The following XIRP2 variants were observed in gnomAD, a reference collection of about 807,000 sequenced individuals.
The protein encoded by XIRP2 is xin actin-binding repeat-containing protein 2.
A neutral mutation model predicts 277.0 loss-of-function variants in XIRP2; 236 were observed. The ratio of observed to expected loss-of-function variants is 0.85; its 90% CI spans 0.77 to 0.95. The LOEUF (loss-of-function observed/expected upper bound fraction) is 0.95. Among genes scored for constraint, XIRP2 ranks in the 40% least tolerant of loss-of-function variants. The pLI is 0.00. For synonymous variants in XIRP2, 1,490 were observed against 1,416.5 expected (o/e 1.05, Z -1.17); for missense variants, 4,640 against 4,157.5 (o/e 1.12, Z -3.19).
rs1293386779 is a variant in XIRP2, at chr2:167,243,404, A to G, written c.2012A>G (p.Gln671Arg). The change falls in exon 9 of 11, where the codon CAA becomes CGA. Residue 671 changes from glutamine (Q) to arginine (R), a missense_variant. Gln to Arg is a conservative substitution (Grantham distance 43). Coordinates refer to ENST00000409195, the MANE Select transcript of XIRP2 (RefSeq NM_152381.6). ...TTGGACTCAATGAATAAAATGCATC[A>G]AAGTCAAGAAGAATCAGCGGTAACT... Reference protein sequence around the residue: ...RPLDSMNKMHQSQEESAVTIS... With the variant: ...RPLDSMNKMHRSQEESAVTIS... The G allele has an allele frequency of 1.2e-6, 2 of 1,613,964 alleles. No individual in the cohort carries two copies. The highest frequency in any genetic ancestry group is 8.5e-7 in the Non-Finnish European group (1 of 1,179,988).
At chr2:167,181,520 A>AT (rs1043547180) in intron 3 of XIRP2, among the ~76,000 whole-genome samples, 34 of 152,050 alleles carry the variant, frequency 2.2e-4, no homozygotes, top group African/African-American at 8.0e-4. Flanking sequence ...AATTAATGTT[A>AT]TTTTTTATTT....
At position 167,254,105 on chromosome 2, in the gene XIRP2, C is replaced by CCAATCCT; in HGVS notation, c.10629_10630insCAATCCT (p.Arg3544GlnfsTer3). ...GTTTATCCAATGGAGTGCCTAGTGG[C>CCAATCCT]AGACAAGCAGAATTTTCATAAGTCC... On this transcript the variant is annotated frameshift_variant, in exon 10 of 11. Coordinates refer to ENST00000409195, the MANE Select transcript of XIRP2 (RefSeq NM_152381.6). LOFTEE classifies it high-confidence loss of function. The CCAATCCT allele has an allele frequency of 1.2e-6, 2 of 1,610,804 alleles. No individual in the cohort carries two copies. Among genetic ancestry groups the CCAATCCT allele is most frequent in the South Asian group, 1.1e-5 (1 of 90,736 alleles).
chr2:167,063,913 TCA>T (rs1689234701), intron 2 of XIRP2, among the ~76,000 whole-genome samples: 3 of 151,682 alleles, frequency 2.0e-5, no homozygotes. Flanking sequence ...AGTAGAATAT[TCA>T]CACAGTCTAA....
chr2:167,123,161 C>A (rs1030473870), intron 2 of XIRP2, among the ~76,000 whole-genome samples: 4 of 152,124 alleles, frequency 2.6e-5, no homozygotes, highest in Non-Finnish European at 5.9e-5. Context: ...GGTCTGCACA[C>A]CTTGTACCAC....
intron 3 of XIRP2, among the ~76,000 whole-genome samples, chr2:167,169,539 C>T (rs1692623782): frequency 6.6e-6 from 1 of 152,144 alleles, no homozygotes; most frequent in Non-Finnish European, 1.5e-5. Context: ...GCCCTGTGAC[C>T]TCACTTTTCT....
intron 2 of XIRP2, among the ~76,000 whole-genome samples, chr2:166,909,856 T>A (rs1414689249): frequency 6.6e-6 from 1 of 152,246 alleles, no homozygotes; most frequent in East Asian, 1.9e-4. Flanking sequence ...CTTTTCTGCA[T>A]CTGTTCAGAT....
chr2:167,050,081 C>A (rs116277684), intron 2 of XIRP2, among the ~76,000 whole-genome samples: 2,499 of 152,146 alleles, frequency 0.016, 22 homozygotes, highest in Non-Finnish European at 0.025. Context: ...TTAACAGCAT[C>A]TGTCTTATCC....
chr2:166,917,118 T>C (rs1471171646), intron 2 of XIRP2, among the ~76,000 whole-genome samples: 2 of 152,188 alleles, frequency 1.3e-5, no homozygotes, highest in Non-Finnish European at 2.9e-5. Context: ...TAACACTCTA[T>C]GGTTTCTAAA....
At chr2:167,068,427 T>C (rs2105247662) in intron 2 of XIRP2, among the ~76,000 whole-genome samples, 1 of 152,322 alleles carries the variant, frequency 6.6e-6, no homozygotes, top group African/African-American at 2.4e-5. Flanking sequence ...TTCAGTCATG[T>C]AGCCCTTTCT....
At chr2:167,071,898 C>A (rs1031451502) in intron 2 of XIRP2, among the ~76,000 whole-genome samples, 3 of 152,026 alleles carry the variant, frequency 2.0e-5, no homozygotes, top group South Asian at 2.1e-4. Context: ...GAATCAAGAC[C>A]GTAGAGGGGA....
chr2:167,089,514 A>T (rs1690079150), intron 2 of XIRP2, among the ~76,000 whole-genome samples: 1 of 152,152 alleles, frequency 6.6e-6, no homozygotes, highest in South Asian at 2.1e-4. Flanking sequence ...GAATATCAAA[A>T]TGTTGTGCGC....
rs1046506048 is a variant in XIRP2, at chr2:167,258,664, G to A, written c.*847G>A. 1 of 1,611,256 alleles carries A rather than the reference G, an allele frequency of 6.2e-7. No homozygotes were observed. Among genetic ancestry groups the A allele is most frequent in the African/African-American group, 1.3e-5 (1 of 74,604 alleles). ...AAAATCATAAAGAAAATTTGAATAA[G>A]AATAATAATAACAATTATGTAGCAG... On this transcript the variant is annotated 3_prime_UTR_variant, in exon 11 of 11. Transcript: ENST00000409195.
intron 2 of XIRP2, among the ~76,000 whole-genome samples, chr2:167,117,898 T>C (rs1690939301): frequency 6.6e-6 from 1 of 152,236 alleles, no homozygotes; most frequent in African/African-American, 2.4e-5. Flanking sequence ...GACCTGGCAC[T>C]TTACTTTCCG....
intron 2 of XIRP2, among the ~76,000 whole-genome samples, chr2:166,975,582 A>G (rs1686688766): frequency 1.3e-5 from 2 of 152,202 alleles, no homozygotes; most frequent in South Asian, 4.1e-4. Context: ...CTGGAGTTAT[A>G]TGAATGTCCT....
At chr2:166,964,378 G>A (rs1435567984) in intron 2 of XIRP2, among the ~76,000 whole-genome samples, 1 of 151,828 alleles carries the variant, frequency 6.6e-6, no homozygotes, top group Admixed American at 6.6e-5. Context: ...TTTGTCATAA[G>A]ATTAGGGTCA....
At chr2:167,089,721 AG>A (rs1465624992) in intron 2 of XIRP2, among the ~76,000 whole-genome samples, 24 of 152,170 alleles carry the variant, frequency 1.6e-4, no homozygotes, top group African/African-American at 5.1e-4. Context: ...GACACAGAAC[AG>A]GGGTTAGCAA....
intron 2 of XIRP2, among the ~76,000 whole-genome samples, chr2:167,046,816 C>G (rs76224165): frequency 0.023 from 3,421 of 151,968 alleles, 100 homozygotes; most frequent in East Asian, 0.073. Context: ...AAAACTACCT[C>G]TTAGTGCTGA....
intron 3 of XIRP2, among the ~76,000 whole-genome samples, chr2:167,172,906 G>A (rs1233352273): frequency 6.6e-6 from 1 of 152,200 alleles, no homozygotes; most frequent in Non-Finnish European, 1.5e-5. Flanking sequence ...GATTGGGGAA[G>A]TGATAAATGT....
At chr2:166,962,121 T>A (rs1686314428) in intron 2 of XIRP2, among the ~76,000 whole-genome samples, 1 of 151,696 alleles carries the variant, frequency 6.6e-6, no homozygotes, top group Non-Finnish European at 1.5e-5. Context: ...AACATAATAC[T>A]ATGTTTAGAA....
Sources: allele counts gnomAD v4.1 joint callset (sites outside exome capture counted in the v4.1 genomes callset), GRCh38; gene constraint gnomAD v4.1.1; transcripts MANE v1.5; gene names NCBI Gene and HGNC (gene_info 2026-07-23, HGNC 2026-07-21).